Variants in STYXL2 observed in about 807,000 individuals in gnomAD.
The protein encoded by STYXL2 is serine/threonine/tyrosine interacting like 2.
Under a neutral mutation model 52.4 loss-of-function variants are expected in STYXL2, and 44 were observed. That is an observed-to-expected ratio of 0.84 (90% CI 0.66 to 1.08). STYXL2 has a LOEUF of 1.08. Ranked by LOEUF, STYXL2 falls within the 50% of genes least tolerant of loss-of-function variation. The probability of loss-of-function intolerance (pLI) is 0.00; values close to 1 mark genes in which losing one functional copy is unlikely to be tolerated. For synonymous variants in STYXL2, 604 were observed against 586.9 expected, an observed-to-expected ratio of 1.03 and a Z score of -0.42; for missense variants, 1,604 against 1,471.7, an observed-to-expected ratio of 1.09 and a Z score of -1.47.
rs182721561 is a variant in STYXL2 at position 167,105,818 on chromosome 1, C to G, written c.111-7892C>G. ...ATTGTACATTCCACACTGGGTAATA[C>G]GGAGCAGAGTTTAATGTTGCTCACA... is the stretch of plus-strand genomic sequence containing the variant. On this transcript the variant is annotated intron_variant, in intron 2 of 5. Transcript: ENST00000361200. Among the ~76,000 whole-genome samples the G allele has an allele frequency of 1.8e-3, 270 of 152,272 alleles. 2 individuals are homozygous for G. The highest frequency in any genetic ancestry group is 6.3e-3 in the African/African-American group (261 of 41,544).
chr1:167,100,731 T>G (rs1468448099), intron 2 of STYXL2, among the ~76,000 whole-genome samples: 3 of 152,232 alleles, frequency 2.0e-5, no homozygotes, highest in African/African-American at 7.2e-5. Flanking sequence ...TTGCAGTGAC[T>G]GCTGCTGAAT....
intron 2 of STYXL2, among the ~76,000 whole-genome samples, chr1:167,106,219 C>T (rs1209878848): frequency 1.3e-5 from 2 of 152,066 alleles, no homozygotes; most frequent in Non-Finnish European, 2.9e-5. Context: ...ATGGATAATC[C>T]CAGGCCAGGA....
Position 167,127,142 on chromosome 1 carries a change from G to T in STYXL2, c.2011G>T (p.Ala671Ser), listed in dbSNP as rs140347809. Residue 671 changes from alanine to serine, a missense_variant, in exon 6 of 6, where the codon GCT (alanine) becomes TCT (serine). Coordinates refer to ENST00000361200, the MANE Select transcript of STYXL2 (RefSeq NM_001080426.3). ...CTGGTCTGCAGACCCCTCAGTCAGC[G>T]CTGATGGGGACACGACGTCAGTACT... The part of the protein sequence containing the change: ...AFWSADPSVS[A>S]DGDTTSVLST... 6.2e-6 allele frequency: 10 copies of T among 1,614,112 alleles called. No individual in the cohort carries two copies. The highest frequency in any genetic ancestry group is 7.6e-6 in the Non-Finnish European group (9 of 1,180,000).
intron 3 of STYXL2, among the ~76,000 whole-genome samples, chr1:167,116,675 G>C (rs572324733): frequency 1.2e-5 from 1 of 81,472 alleles, no homozygotes; most frequent in Non-Finnish European, 2.3e-5. Context: ...TTTTGAGACA[G>C]AGTTTCGTTC....
At chr1:167,121,679 G>A (rs1206496063) in intron 5 of STYXL2, among the ~76,000 whole-genome samples, 2 of 152,246 alleles carry the variant, frequency 1.3e-5, no homozygotes, top group African/African-American at 4.8e-5. Context: ...TAACCCAGGC[G>A]CTGCCTTCCC....
At chr1:167,120,545 A>G (rs567602761) in intron 5 of STYXL2, among the ~76,000 whole-genome samples, 4 of 152,282 alleles carry the variant, frequency 2.6e-5, no homozygotes, top group African/African-American at 9.6e-5. Flanking sequence ...TTTCCTGGAA[A>G]GGGCATTGCC....
rs139568726 is a variant in STYXL2, at chr1:167,126,026, G to A, written c.895G>A (p.Glu299Lys). The A allele has an allele frequency of 1.4e-5, 22 of 1,598,510 alleles. 1 individual carries two copies. Among genetic ancestry groups the A allele is most frequent in the Admixed American group, 1.7e-5 (1 of 58,616 alleles). The part of the protein sequence containing the change: ...EGGSAEAEEG[E>K]GTGSMLGARV... Reference sequence around the variant, plus strand: ...GGGATCAGCTGAGGCTGAGGAGGGCGAGGGCACTGGGAGCATGCTCGGGGC... The same window carrying A: ...GGGATCAGCTGAGGCTGAGGAGGGCAAGGGCACTGGGAGCATGCTCGGGGC... The change falls in exon 6 of 6, where the codon GAG becomes AAG. Residue 299 changes from glutamate (E) to lysine (K), a missense_variant. Coordinates refer to ENST00000361200, the MANE Select transcript of STYXL2 (RefSeq NM_001080426.3).
intron 3 of STYXL2, among the ~76,000 whole-genome samples, chr1:167,116,275 C>A (rs1344579011): frequency 6.6e-6 from 1 of 152,170 alleles, no homozygotes; most frequent in African/African-American, 2.4e-5. Context: ...TAAAGATTCA[C>A]CCCAGATGTG....
Position 167,102,320 on chromosome 1 carries a change from A to T in STYXL2, c.110+7361A>T, listed in dbSNP as rs957008782. On this transcript the variant is annotated intron_variant, in intron 2 of 5. Transcript: ENST00000361200. Reference sequence around the variant, plus strand: ...TTTTTTAAAAATATATATATATATAAAAGATAAATAAAACCCTCTTTTAGG... The same window carrying T: ...TTTTTTAAAAATATATATATATATATAAGATAAATAAAACCCTCTTTTAGG... Among the ~76,000 whole-genome samples the T allele has an allele frequency of 2.0e-4, 29 of 148,162 alleles. 1 individual carries two copies. Among genetic ancestry groups the T allele is most frequent in the Admixed American group, 1.1e-3 (17 of 14,912 alleles).
At chr1:167,105,330 C>T (rs1558019328) in intron 2 of STYXL2, among the ~76,000 whole-genome samples, 1 of 152,186 alleles carries the variant, frequency 6.6e-6, no homozygotes, top group Admixed American at 6.5e-5. Context: ...CATCAAACTC[C>T]CCTTTATTGT....
chr1:167,117,281 C>A, intron 3 of STYXL2, 47 bp from the exon 4 acceptor site: 1 of 1,491,510 alleles, frequency 6.7e-7, no homozygotes, highest in Non-Finnish European at 9.2e-7. Flanking sequence ...CAAGGAAGGC[C>A]ATGATGTTCC....
Position 167,127,738 on chromosome 1 carries a change from CAAG to C in STYXL2, c.2617_2619del (p.Lys873del), listed in dbSNP as rs776048062. ...CAGACAACAAACGCAGCTCCCTCTT[CAAG>C]AAGAAGAAGGTCAAGGAAGATGAGG... On this transcript the variant is annotated inframe_deletion, in exon 6 of 6. Transcript: ENST00000361200. 61 of 1,613,980 alleles carry C rather than the reference CAAG, an allele frequency of 3.8e-5. 1 individual carries two copies. Among genetic ancestry groups the C allele is most frequent in the South Asian group, 7.7e-5 (7 of 91,060 alleles).
chr1:167,112,091 C>T (rs890509442), intron 2 of STYXL2, among the ~76,000 whole-genome samples: 10 of 152,156 alleles, frequency 6.6e-5, no homozygotes, highest in African/African-American at 2.2e-4. Context: ...GAACAAAGCT[C>T]ACCCTTAATC....
chr1:167,128,140 C>G lies in STYXL2; in HGVS notation c.3009C>G (p.Ser1003Arg), dbSNP rs1400107280. 2 of 1,614,198 alleles carry G rather than the reference C, an allele frequency of 1.2e-6. No homozygotes were observed. The highest frequency in any genetic ancestry group is 3.3e-5 in the Admixed American group (2 of 60,018). ...YHEANGNSVRSTSRFSSSSTR... is the reference protein window; with the variant it reads ...YHEANGNSVRRTSRFSSSSTR... The stretch of plus-strand genomic sequence containing the variant: ...AGGCAAATGGCAACTCTGTAAGAAG[C>G]ACTTCACGGTTCTCATCTTCCTCCA... The change falls in exon 6 of 6, where the codon AGC becomes AGG. Residue 1003 changes from serine (S) to arginine (R), a missense_variant. Coordinates refer to ENST00000361200, the MANE Select transcript of STYXL2 (RefSeq NM_001080426.3).
At position 167,119,450 on chromosome 1, in the gene STYXL2, G is replaced by A. The variant is rs573463190; in HGVS notation, c.639G>A (p.Ala213=). 2.3e-5 allele frequency: 37 copies of A among 1,614,094 alleles called. No homozygotes were observed. The highest frequency in any genetic ancestry group is 7.7e-5 in the South Asian group (7 of 91,088). Residue 213 remains alanine, a synonymous_variant, in exon 5 of 6, where the codon GCG becomes GCA. Coordinates refer to ENST00000361200, the MANE Select transcript of STYXL2 (RefSeq NM_001080426.3). ...AGGCGTCTGAGTTCCTGGATGAGGC[G>A]CTGCTGACTTACAGAGGTGAGAGGG... ...FRKASEFLDE[A]LLTYRGKVLV... is the part of the protein sequence containing the mutation.
chr1:167,127,330 G>A lies in STYXL2; in HGVS notation c.2199G>A (p.Glu733=), dbSNP rs1303457696. 1 of 1,614,206 alleles carries A rather than the reference G, an allele frequency of 6.2e-7. No individual in the cohort carries two copies. Among genetic ancestry groups the A allele is most frequent in the Admixed American group, 1.7e-5 (1 of 60,030 alleles). ...ACTGGATTGCCAATGTAGTCAGTGA[G>A]ACCCTTGCTCAGAAGCAAAATGAAA... ...IQNWIANVVS[E]TLAQKQNEML... Residue 733 remains glutamate, a synonymous_variant, in exon 6 of 6, where the codon GAG becomes GAA. Transcript: ENST00000361200.
intron 2 of STYXL2, among the ~76,000 whole-genome samples, chr1:167,112,907 T>C (rs1667647529): frequency 6.6e-6 from 1 of 152,166 alleles, no homozygotes; most frequent in Non-Finnish European, 1.5e-5. Context: ...CCAAAGCTCA[T>C]CTGAACACCT....
At chr1:167,121,683 C>T (rs1667860054) in intron 5 of STYXL2, among the ~76,000 whole-genome samples, 1 of 152,250 alleles carries the variant, frequency 6.6e-6, no homozygotes, top group South Asian at 2.1e-4. Context: ...CCAGGCGCTG[C>T]CTTCCCTGCA....
chr1:167,108,860 A>G (rs1269046172), intron 2 of STYXL2, among the ~76,000 whole-genome samples: 1 of 152,230 alleles, frequency 6.6e-6, no homozygotes, highest in Non-Finnish European at 1.5e-5. Flanking sequence ...AAAGTGTGAG[A>G]GGGGGAAAGT....
Sources: gnomAD v4.1 joint callset for allele counts (sites outside exome capture counted in the v4.1 genomes callset) on GRCh38, gnomAD v4.1.1 for gene constraint, MANE v1.5 for transcripts, NCBI Gene and HGNC (gene_info 2026-07-23, HGNC 2026-07-21) for gene names.